Variants in PCDH15 observed in about 807,000 individuals in gnomAD.
The protein encoded by PCDH15 is protocadherin related 15.
Under a neutral mutation model 178.5 loss-of-function variants are expected in PCDH15, and 129 were observed. That is an observed-to-expected ratio of 0.72 (90% CI 0.63 to 0.84). The LOEUF is 0.84. PCDH15 is among the 40% of genes least tolerant of loss of function. The pLI is 0.00. For missense variants in PCDH15, 2,230 were observed against 2,099.9 expected (o/e 1.06, Z -1.21); for synonymous variants, 800 against 732.0 (o/e 1.09, Z -1.50).
At chr10:54,347,282 A>G (rs1943449780) in intron 5 of PCDH15, among the ~76,000 whole-genome samples, 1 of 152,034 alleles carries the variant, frequency 6.6e-6, no homozygotes, top group Non-Finnish European at 1.5e-5. Flanking sequence ...AATACTACTC[A>G]TTAGTTAAAT....
At chr10:55,002,785 A>G (rs1182213780) in intron 2 of PCDH15, among the ~76,000 whole-genome samples, 2 of 152,230 alleles carry the variant, frequency 1.3e-5, no homozygotes, top group Non-Finnish European at 2.9e-5. Flanking sequence ...TCCAGGGATA[A>G]AAGTAGTTCA....
At chr10:54,076,575 A>C in intron 17 of PCDH15, among the ~76,000 whole-genome samples, 1 of 152,112 alleles carries the variant, frequency 6.6e-6, no homozygotes, top group East Asian at 1.9e-4. Context: ...AATCTTCAAA[A>C]AAAAATTAGA....
intron 6 of PCDH15, among the ~76,000 whole-genome samples, chr10:54,338,822 C>G (rs1398372603): frequency 6.6e-6 from 1 of 151,596 alleles, no homozygotes; most frequent in African/African-American, 2.4e-5. Context: ...CACTTTAGGT[C>G]AAACTTAAAA....
intron 1 of PCDH15, among the ~76,000 whole-genome samples, chr10:55,237,001 A>T (rs1369710160): frequency 6.6e-6 from 1 of 152,138 alleles, no homozygotes; most frequent in African/African-American, 2.4e-5. Context: ...CAGTACTATA[A>T]AGAATTTGGG....
chr10:53,922,588 G>A (rs1442446376), intron 25 of PCDH15, among the ~76,000 whole-genome samples: 1 of 151,988 alleles, frequency 6.6e-6, no homozygotes, highest in Non-Finnish European at 1.5e-5. Flanking sequence ...AATTTTAAAT[G>A]GGAACAACTT....
At chr10:54,573,676 C>A (rs975009607) in intron 2 of PCDH15, among the ~76,000 whole-genome samples, 1 of 121,448 alleles carries the variant, frequency 8.2e-6, no homozygotes, top group Non-Finnish European at 1.7e-5. Context: ...TAGGTCACAG[C>A]TTCTATTAGG....
At chr10:55,347,638 G>T (rs934045756) in intron 2 of PCDH15, among the ~76,000 whole-genome samples, 1 of 152,106 alleles carries the variant, frequency 6.6e-6, no homozygotes, top group African/African-American at 2.4e-5. Context: ...TGCTCCCAGG[G>T]TTGCATTGTT....
intron 3 of PCDH15, among the ~76,000 whole-genome samples, chr10:54,853,289 G>GTATA (rs71014423): frequency 0.14 from 13,907 of 101,688 alleles, 859 homozygotes; most frequent in Non-Finnish European, 0.15. Context: ...ATGTATGTGT[G>GTATA]TATATATATA....
Position 54,853,346 on chromosome 10 carries a change from C to T in PCDH15, c.-29+44104G>A, listed in dbSNP as rs911872156. Among the ~76,000 whole-genome samples the T allele has an allele frequency of 7.7e-3, 572 of 74,622 alleles. 2 individuals are homozygous for T. Among genetic ancestry groups the T allele is most frequent in the Non-Finnish European group, 0.011 (416 of 36,238 alleles). The allele number at this position is 74,622 out of a possible 152,430, so 49.0% of individuals were successfully genotyped here. ...ATACACACACATATACATATATATA[C>T]ATATATATATACACACACACATATA... On this transcript the variant is annotated intron_variant, in intron 3 of 5. Coordinates refer to the PCDH15 transcript ENST00000458638.
At chr10:55,553,940 G>A (rs1842043902) in intron 2 of PCDH15, among the ~76,000 whole-genome samples, 1 of 151,908 alleles carries the variant, frequency 6.6e-6, no homozygotes, top group Non-Finnish European at 1.5e-5. Flanking sequence ...TTTTTAATTT[G>A]TCTAGGAAGA....
intron 2 of PCDH15, among the ~76,000 whole-genome samples, chr10:54,974,156 T>G (rs1839008527): frequency 6.6e-6 from 1 of 151,124 alleles, no homozygotes; most frequent in Non-Finnish European, 1.5e-5. Context: ...CCTAGGAGAC[T>G]AAAGCAAATG....
intron 21 of PCDH15, among the ~76,000 whole-genome samples, chr10:53,969,201 T>A (rs7476991): frequency 6.6e-6 from 1 of 151,836 alleles, no homozygotes; most frequent in African/African-American, 2.4e-5. Context: ...ACGAGAACTA[T>A]CTGAGGCATG....
chr10:55,484,163 G>A (rs1015286661), intron 2 of PCDH15, among the ~76,000 whole-genome samples: 1 of 151,626 alleles, frequency 6.6e-6, no homozygotes, highest in Non-Finnish European at 1.5e-5. Context: ...GGAGTAGGGA[G>A]AGGTTCAGGA....
intron 27 of PCDH15, among the ~76,000 whole-genome samples, chr10:53,863,164 A>G (rs911104922): frequency 6.6e-6 from 1 of 152,198 alleles, no homozygotes; most frequent in Non-Finnish European, 1.5e-5. Context: ...TAAAGATGTA[A>G]GTATGAGCGC....
intron 1 of PCDH15, among the ~76,000 whole-genome samples, chr10:54,677,516 G>A (rs913166164): frequency 3.9e-5 from 6 of 152,048 alleles, no homozygotes; most frequent in African/African-American, 1.4e-4. Context: ...TATATTAAGT[G>A]TAAACACCAC....
chr10:54,274,962 T>G (rs1480794703), intron 8 of PCDH15, among the ~76,000 whole-genome samples: 6 of 152,086 alleles, frequency 3.9e-5, no homozygotes, highest in Middle Eastern at 3.4e-3. Flanking sequence ...ATTGGCAACA[T>G]GACTTCTTTT....
At chr10:55,175,560 G>A (rs937258785) in intron 1 of PCDH15, among the ~76,000 whole-genome samples, 4 of 151,562 alleles carry the variant, frequency 2.6e-5, no homozygotes, top group African/African-American at 7.3e-5. Flanking sequence ...GTACTTGGGG[G>A]GTGGCTGGCG....
intron 3 of PCDH15, among the ~76,000 whole-genome samples, chr10:54,849,602 C>G (rs540417785): frequency 6.6e-6 from 1 of 152,220 alleles, no homozygotes; most frequent in African/African-American, 2.4e-5. Flanking sequence ...GTAAAAATGA[C>G]TTTCTAATTA....
intron 25 of PCDH15, among the ~76,000 whole-genome samples, chr10:53,913,242 A>G (rs1288083625): frequency 6.6e-6 from 1 of 152,200 alleles, no homozygotes; most frequent in Non-Finnish European, 1.5e-5. Flanking sequence ...AGCCATATGT[A>G]GAAAGCTGAA....
Sources: allele counts gnomAD v4.1 joint callset (sites outside exome capture counted in the v4.1 genomes callset), GRCh38; gene constraint gnomAD v4.1.1; transcripts MANE v1.5; gene names NCBI Gene and HGNC (gene_info 2026-07-23, HGNC 2026-07-21).